COPA: variants seen among roughly 807,000 people sequenced by gnomAD.
The protein encoded by COPA is coatomer subunit alpha.
Under a neutral mutation model 158.7 loss-of-function variants are expected in COPA, and 10 were observed. The ratio of observed to expected loss-of-function variants is 0.06; its 90% CI spans 0.04 to 0.11. The LOEUF is 0.11. COPA is among the 10% of genes least tolerant of loss of function. The pLI, the probability that COPA is intolerant of heterozygous loss-of-function variation, is 1.00. For missense variants in COPA, 1,065 were observed against 1,536.7 expected (o/e 0.69, Z 5.13); for synonymous variants, 462 against 542.8 (o/e 0.85, Z 2.07).
intron 3 of COPA, 97 bp from the exon 4 acceptor site, chr1:160,335,419 T>A: frequency 1.1e-6 from 1 of 914,920 alleles, no homozygotes; most frequent in Non-Finnish European, 1.6e-6. Context: ...AATATGTATA[T>A]AAATATAGAT....
rs1241519396 is a variant in COPA, at chr1:160,290,191, A to T, written c.3641T>A (p.Ile1214Asn). Reference sequence around the variant, plus strand: ...CTGCAGAGGACTGATCCTTAAACCAATCACATCTTTGCCAATCTCTGTCAC... The same window carrying T: ...CTGCAGAGGACTGATCCTTAAACCATTCACATCTTTGCCAATCTCTGTCAC... Reference protein sequence around the residue: ...TTVTEIGKDVIGLRISPLQFR With the variant: ...TTVTEIGKDVNGLRISPLQFR Residue 1214 changes from isoleucine (I) to asparagine (N), a missense_variant, in exon 33 of 33, where the codon ATT (isoleucine) becomes AAT (asparagine). This residue lies in a region of COPA where 980 missense variants were observed against 1,357.8 expected (regional missense o/e 0.72). Transcript: ENST00000241704. 1 of 1,614,054 alleles carries T rather than the reference A, an allele frequency of 6.2e-7. No homozygotes were observed. The highest frequency in any genetic ancestry group is 2.2e-5 in the East Asian group (1 of 44,902).
intron 8 of COPA, among the ~76,000 whole-genome samples, chr1:160,318,936 C>T (rs1659246606): frequency 6.6e-6 from 1 of 151,056 alleles, no homozygotes; most frequent in African/African-American, 2.4e-5. Context: ...AATCACTTAA[C>T]CACAAAAGAA....
intron 8 of COPA, among the ~76,000 whole-genome samples, chr1:160,319,451 C>G (rs533754491): frequency 6.7e-5 from 10 of 150,360 alleles, no homozygotes; most frequent in African/African-American, 1.7e-4. Context: ...AGAGCTAATA[C>G]CCCACTCTCA....
chr1:160,325,459 T>G, intron 7 of COPA, 84 bp downstream of exon 7: 1 of 1,144,466 alleles, frequency 8.7e-7, no homozygotes, highest in Non-Finnish European at 1.3e-6. Flanking sequence ...AAATATTTGT[T>G]GAAGGAATGA....
At chr1:160,302,193 A>C (rs1215431184) in intron 17 of COPA, among the ~76,000 whole-genome samples, 1 of 152,216 alleles carries the variant, frequency 6.6e-6, no homozygotes, top group Admixed American at 6.5e-5. Flanking sequence ...AATCAATTTT[A>C]AATTGATTTT....
chr1:160,321,742 C>T (rs542752971), intron 8 of COPA, among the ~76,000 whole-genome samples: 5 of 152,148 alleles, frequency 3.3e-5, no homozygotes, highest in East Asian at 3.9e-4. Flanking sequence ...AAGCCAAGAT[C>T]GAGCCACTGT....
chr1:160,305,592 G>A lies in COPA; in HGVS notation c.1529-21C>T, dbSNP rs1264689598. 3.7e-6 allele frequency: 6 copies of A among 1,614,126 alleles called. No homozygotes were observed. The East Asian group carries it at 1.1e-4, about 30-fold the overall frequency. ...AATGGCTGTAAGAGGCAAAGGGCATGAGTGTTCTGTTGGATAGGGTAAGTG... is the reference window on the plus strand; with the variant it reads ...AATGGCTGTAAGAGGCAAAGGGCATAAGTGTTCTGTTGGATAGGGTAAGTG... On this transcript the variant is annotated intron_variant, in intron 16 of 32. Transcript: ENST00000241704.
intron 22 of COPA, 92 bp downstream of exon 22, chr1:160,295,969 C>A: frequency 4.4e-6 from 7 of 1,578,032 alleles, no homozygotes; most frequent in Non-Finnish European, 6.1e-6. Flanking sequence ...TCCTGGTAAC[C>A]AGGTGGGAGA....
Position 160,298,966 on chromosome 1 carries a change from T to C in COPA, c.1856A>G (p.Lys619Arg), listed in dbSNP as rs1318746070. ...AGCAATAATAGACTGGCCAACTAGT[T>C]TGGCATTCCTCACCATGTGCAGTAC... ...DEVLHMVRNA[K>R]LVGQSIIAYL... Residue 619 changes from lysine (K) to arginine (R), a missense_variant, in exon 19 of 33, where the codon AAA becomes AGA. Physicochemically the swap from Lys to Arg is conservative, Grantham distance 26 (BLOSUM62 2). Transcript: ENST00000241704. 12 of 1,614,122 alleles carry C rather than the reference T, an allele frequency of 7.4e-6. No homozygotes were observed. Among genetic ancestry groups the C allele is most frequent in the Non-Finnish European group, 1.0e-5 (12 of 1,180,022 alleles).
chr1:160,292,694 T>A, intron 27 of COPA, 74 bp from the exon 28 acceptor site: 3 of 1,257,818 alleles, frequency 2.4e-6, no homozygotes, highest in Non-Finnish European at 3.3e-6. Flanking sequence ...GCAAGGTAAT[T>A]AATTTCTCTG....
chr1:160,316,291 G>A (rs1420493111), intron 8 of COPA, among the ~76,000 whole-genome samples: 1 of 151,854 alleles, frequency 6.6e-6, no homozygotes, highest in African/African-American at 2.4e-5. Context: ...CCGGGAGGTG[G>A]AGGTTGCAGT....
At chr1:160,326,552 C>A in intron 6 of COPA, among the ~76,000 whole-genome samples, 1 of 152,080 alleles carries the variant, frequency 6.6e-6, no homozygotes, top group East Asian at 1.9e-4. Flanking sequence ...TTTGAAGAAG[C>A]CACAGTGCAG....
In COPA at chr1:160,335,405, T is replaced by G. The variant is rs893878694; in HGVS notation, c.229-83A>C. On this transcript the variant is annotated intron_variant, in intron 3 of 32. Coordinates refer to ENST00000241704, the MANE Select transcript of COPA (RefSeq NM_004371.4). Reference sequence around the variant, plus strand: ...AGAGAAATTGATATCTTTACAGAGATAGAAATATGTATATAAATATAGATT... The same window carrying G: ...AGAGAAATTGATATCTTTACAGAGAGAGAAATATGTATATAAATATAGATT... 17 of 1,033,360 alleles carry G rather than the reference T, an allele frequency of 1.6e-5. No homozygotes were observed. In the Admixed American group the frequency reaches 2.0e-4, roughly 12 times the overall value. The allele number at this position is 1,033,360 out of a possible 1,614,324, so 64.0% of individuals were successfully genotyped here. A position where few individuals can be genotyped will look rare whatever the true frequency, so the allele number is the denominator to read the frequency against.
At chr1:160,327,992 G>A (rs1027775663) in intron 6 of COPA, among the ~76,000 whole-genome samples, 7 of 152,078 alleles carry the variant, frequency 4.6e-5, no homozygotes, top group Non-Finnish European at 8.8e-5. Flanking sequence ...TGTTATGGTG[G>A]CACCTACATG....
intron 32 of COPA, 137 bp downstream of exon 32, chr1:160,290,355 A>C (rs1397234737): frequency 7.4e-7 from 1 of 1,351,542 alleles, no homozygotes; most frequent in Non-Finnish European, 1.0e-6. Flanking sequence ...AGCAGTGGGG[A>C]GATGCTCTAG....
chr1:160,338,768 T>C (rs948797378), intron 3 of COPA, among the ~76,000 whole-genome samples: 3 of 152,156 alleles, frequency 2.0e-5, no homozygotes, highest in South Asian at 2.1e-4. Flanking sequence ...TCCCTCTTGG[T>C]TCATCTCGAA....
At position 160,293,409 on chromosome 1, in the gene COPA, T is replaced by C. The variant is rs1658305088; in HGVS notation, c.2731A>G (p.Thr911Ala). Residue 911 changes from threonine to alanine, a missense_variant, in exon 26 of 33, where the codon ACC (threonine) becomes GCC (alanine). Physicochemically the swap from Thr to Ala is moderately conservative, Grantham distance 58. Coordinates refer to ENST00000241704, the MANE Select transcript of COPA (RefSeq NM_004371.4). Reference protein sequence around the residue: ...GAEDGFFVPPTKGTSPTQIWC... With the variant: ...GAEDGFFVPPAKGTSPTQIWC... ...ACCTGAGTTGGACTTGTTCCCTTGG[T>C]TGGGGGCACAAAGAAACCATCTTCA... is the stretch of plus-strand genomic sequence containing the variant. The C allele has an allele frequency of 6.2e-7, 1 of 1,612,982 alleles. No individual in the cohort carries two copies. Among genetic ancestry groups the C allele is most frequent in the Non-Finnish European group, 8.5e-7 (1 of 1,179,668 alleles).
rs147931821 is a variant in COPA at position 160,335,301 on chromosome 1, G to A, written c.250C>T (p.Arg84Cys). 5.0e-6 allele frequency: 8 copies of A among 1,611,166 alleles called. No individual in the cohort carries two copies. The highest frequency in any genetic ancestry group is 2.7e-5 in the African/African-American group (2 of 74,794). Residue 84 changes from arginine (R) to cysteine (C), a missense_variant, in exon 4 of 33, where the codon CGC (arginine) becomes TGC (cysteine). Coordinates refer to ENST00000241704, the MANE Select transcript of COPA (RefSeq NM_004371.4). The stretch of plus-strand genomic sequence containing the variant: ...TGCCCAAGCAATGTGAAAAGACAGC[G>A]CCGAAGCTTGTAATTCCAAACCTGC... ...KIKVWNYKLR[R>C]CLFTLLGHLD... is the part of the protein sequence containing the mutation.
intron 23 of COPA, 73 bp from the exon 24 acceptor site, chr1:160,294,930 G>T: frequency 7.8e-7 from 1 of 1,287,938 alleles, no homozygotes; most frequent in South Asian, 1.3e-5. Context: ...TCTGTAGGCA[G>T]GTTAAATCCT....
Sources: gnomAD v4.1 joint callset for allele counts (sites outside exome capture counted in the v4.1 genomes callset) on GRCh38, gnomAD v4.1.1 for gene constraint, gnomAD v4.1.1 regional missense constraint, MANE v1.5 for transcripts, NCBI Gene and HGNC (gene_info 2026-07-23, HGNC 2026-07-21) for gene names.